FLT1: variants seen among roughly 807,000 people sequenced by gnomAD.
FLT1 encodes the protein vascular endothelial growth factor receptor 1.
Under a neutral mutation model 156.3 loss-of-function variants are expected in FLT1, and 49 were observed. That is an observed-to-expected ratio of 0.31 (90% confidence interval 0.25 to 0.40). The LOEUF is 0.40. Among genes scored for constraint, FLT1 ranks in the 10% least tolerant of loss-of-function variants. FLT1 has a pLI of 1.00. For missense variants in FLT1, 1,322 were observed against 1,637.2 expected, an observed-to-expected ratio of 0.81 and a Z score of 3.32; for synonymous variants, 594 against 583.8, an observed-to-expected ratio of 1.02 and a Z score of -0.25.
chr13:28,324,463 C>G (rs1871597380), intron 20 of FLT1, among the ~76,000 whole-genome samples: 1 of 152,180 alleles, frequency 6.6e-6, no homozygotes, highest in South Asian at 2.1e-4. Context: ...AGTCTAAAAG[C>G]CAAAAGGGCA....
At chr13:28,392,294 G>A (rs1392250756) in intron 12 of FLT1, among the ~76,000 whole-genome samples, 1 of 152,252 alleles carries the variant, frequency 6.6e-6, no homozygotes, top group South Asian at 2.1e-4. Flanking sequence ...TGTGCCAGAA[G>A]ATGCAGGAGG....
At chr13:28,480,968 T>C (rs1471853703) in intron 1 of FLT1, among the ~76,000 whole-genome samples, 1 of 152,226 alleles carries the variant, frequency 6.6e-6, no homozygotes, top group Non-Finnish European at 1.5e-5. Flanking sequence ...TTCATGTTCT[T>C]AACGTGTCCT....
At chr13:28,365,946 G>T (rs1301320759) in intron 14 of FLT1, among the ~76,000 whole-genome samples, 1 of 152,172 alleles carries the variant, frequency 6.6e-6, no homozygotes, top group Non-Finnish European at 1.5e-5. Flanking sequence ...TAATATAAAT[G>T]AGTTGGGGAT....
rs137941901 is a variant in FLT1 at position 28,370,162 on chromosome 13, C to T, written c.2117-12477G>A. ...TGACGCCACTGCCTTCCAGCCTGGG[C>T]CACAGAGCAAGACCCTGTCTCAAAA... On this transcript the variant is annotated intron_variant, in intron 14 of 29. Transcript: ENST00000282397. Among the ~76,000 whole-genome samples, 4 of 151,824 alleles carry T rather than the reference C, an allele frequency of 2.6e-5. No individual in the cohort carries two copies. The East Asian group carries it at 7.7e-4, about 29-fold the overall frequency.
chr13:28,403,219 T>C (rs1437438759), intron 11 of FLT1, among the ~76,000 whole-genome samples: 1 of 152,198 alleles, frequency 6.6e-6, no homozygotes, highest in African/African-American at 2.4e-5. Flanking sequence ...TATGTGGTTA[T>C]ACAGAGAGGA....
At chr13:28,431,367 T>C in intron 6 of FLT1, 57 bp from the exon 7 acceptor site, 2 of 1,238,806 alleles carry the variant, frequency 1.6e-6, no homozygotes, top group Non-Finnish European at 2.4e-6. Context: ...CTTAAAGTTA[T>C]ATAGGATTTT....
rs55955231 is a variant in FLT1 at position 28,405,899 on chromosome 13, TA to T, written c.1437-6del. 4,107 of 1,376,254 alleles carry T rather than the reference TA, an allele frequency of 3.0e-3. No homozygotes were observed. Among genetic ancestry groups the T allele is most frequent in the Non-Finnish European group, 3.6e-3 (3,584 of 995,360 alleles). 85.3% of individuals were successfully genotyped at this position (1,376,254 alleles called of 1,614,324 possible). On this transcript the variant is annotated splice_region_variant and splice_polypyrimidine_tract_variant and intron_variant, in intron 10 of 29. Transcript: ENST00000282397. Reference sequence around the variant, plus strand: ...TTATTGGAACAAAAGTCACACCTATTAAAAAAAAAAGTTGTCACAATGTGGC... The same window carrying T: ...TTATTGGAACAAAAGTCACACCTATTAAAAAAAAAGTTGTCACAATGTGGC...
chr13:28,488,015 A>G (rs904221864), intron 1 of FLT1, among the ~76,000 whole-genome samples: 1 of 151,600 alleles, frequency 6.6e-6, no homozygotes, highest in East Asian at 2.0e-4. Flanking sequence ...CATGAGACCA[A>G]CGTGGGAGCC....
At chr13:28,460,220 AT>A (rs1424662738) in intron 3 of FLT1, among the ~76,000 whole-genome samples, 1 of 152,262 alleles carries the variant, frequency 6.6e-6, no homozygotes, top group African/African-American at 2.4e-5. Flanking sequence ...CTCACAGAAC[AT>A]GAATAGGGCT....
chr13:28,398,053 A>G (rs888925256), intron 11 of FLT1, among the ~76,000 whole-genome samples: 2 of 152,198 alleles, frequency 1.3e-5, no homozygotes, highest in African/African-American at 4.8e-5. Flanking sequence ...AAAATTGGCA[A>G]TATGAAACAA....
chr13:28,451,340 T>C (rs1225547674), intron 3 of FLT1, among the ~76,000 whole-genome samples: 2 of 152,212 alleles, frequency 1.3e-5, no homozygotes, highest in African/African-American at 4.8e-5. Context: ...GAAGAATCGC[T>C]TCAACCTGGG....
intron 10 of FLT1, 133 bp from the exon 11 acceptor site, chr13:28,406,027 A>G: frequency 1.5e-6 from 1 of 677,286 alleles, no homozygotes; most frequent in Non-Finnish European, 2.7e-6. Flanking sequence ...TCTTTTCCTT[A>G]GATTTTTTCC....
At chr13:28,334,433 G>C (rs989230922) in intron 17 of FLT1, among the ~76,000 whole-genome samples, 1 of 152,180 alleles carries the variant, frequency 6.6e-6, no homozygotes, top group Non-Finnish European at 1.5e-5. Context: ...ACCAAGTCCC[G>C]TGTAGTTTCT....
At chr13:28,414,388 T>A (rs7986177) in intron 10 of FLT1, among the ~76,000 whole-genome samples, 130,790 of 152,202 alleles carry the variant, frequency 0.86, 56,673 homozygotes, top group East Asian at 1. Flanking sequence ...ATGGATGTGT[T>A]CTTAGCATAG....
At chr13:28,445,339 G>T (rs959467959) in intron 3 of FLT1, among the ~76,000 whole-genome samples, 5 of 152,126 alleles carry the variant, frequency 3.3e-5, no homozygotes, top group Admixed American at 2.6e-4. Context: ...AGCCAGGCAT[G>T]ATGGTGGACT....
intron 11 of FLT1, among the ~76,000 whole-genome samples, chr13:28,404,772 C>T (rs1259752982): frequency 6.6e-6 from 1 of 152,084 alleles, no homozygotes; most frequent in African/African-American, 2.4e-5. Context: ...GTAATCTCAG[C>T]ACTTTGGGAG....
At chr13:28,343,689 C>T (rs1226489522) in intron 16 of FLT1, among the ~76,000 whole-genome samples, 2 of 150,636 alleles carry the variant, frequency 1.3e-5, no homozygotes, top group Non-Finnish European at 2.9e-5. Context: ...GTAGCCCAGG[C>T]TGGAGTGCAG....
intron 25 of FLT1, among the ~76,000 whole-genome samples, chr13:28,313,412 G>A (rs1871084207): frequency 6.6e-6 from 1 of 152,202 alleles, no homozygotes; most frequent in African/African-American, 2.4e-5. Context: ...ATTAAGAATT[G>A]ATTCTTCTTG....
intron 6 of FLT1, among the ~76,000 whole-genome samples, chr13:28,432,146 A>G (rs2137548495): frequency 6.6e-6 from 1 of 152,182 alleles, no homozygotes; most frequent in Non-Finnish European, 1.5e-5. Flanking sequence ...ATAACTAATA[A>G]GTTATTTCCA....
Sources: allele counts gnomAD v4.1 joint callset (sites outside exome capture counted in the v4.1 genomes callset), GRCh38; gene constraint gnomAD v4.1.1; transcripts MANE v1.5; gene names NCBI Gene and HGNC (gene_info 2026-07-23, HGNC 2026-07-21).